CDC5L: variants seen among roughly 807,000 people sequenced by gnomAD.
CDC5L encodes the protein cell division cycle 5-like protein.
In CDC5L, 18 loss-of-function variants were observed where a neutral mutation model predicts 104.1. The observed-to-expected ratio is 0.17, with a 90% CI of 0.12 to 0.26. CDC5L has a LOEUF of 0.26. Ranked by LOEUF, CDC5L falls within the 10% of genes least tolerant of loss-of-function variation. The probability of loss-of-function intolerance (pLI) is 1.00; values close to 1 mark genes in which losing one functional copy is unlikely to be tolerated. For missense variants in CDC5L, 673 were observed against 956.9 expected, an observed-to-expected ratio of 0.70 and a Z score of 3.91; for synonymous variants, 331 against 322.7, an observed-to-expected ratio of 1.03 and a Z score of -0.28.
chr6:44,421,651 C>CA (rs1383990729), intron 9 of CDC5L, among the ~76,000 whole-genome samples: 2 of 152,036 alleles, frequency 1.3e-5, no homozygotes, highest in African/African-American at 4.8e-5. Flanking sequence ...CCAAAAAACT[C>CA]AAACAGTACA....
intron 8 of CDC5L, among the ~76,000 whole-genome samples, chr6:44,414,415 TGTGTG>T: frequency 1.3e-5 from 2 of 151,126 alleles, no homozygotes; most frequent in Non-Finnish European, 2.9e-5. Flanking sequence ...TGTGTGTGTG[TGTGTG>T]TGTGTGTGTG....
At chr6:44,408,399 G>A in intron 7 of CDC5L, 45 bp from the exon 8 acceptor site, 1 of 1,473,600 alleles carries the variant, frequency 6.8e-7, no homozygotes, top group Non-Finnish European at 9.4e-7. Flanking sequence ...ACTGTGCCCG[G>A]CCTCAGTTAA....
chr6:44,437,813 T>C (rs945100668), intron 14 of CDC5L, among the ~76,000 whole-genome samples: 5 of 152,192 alleles, frequency 3.3e-5, no homozygotes, highest in Non-Finnish European at 7.3e-5. Context: ...TCAATGAAAA[T>C]GTTAATTCGT....
intron 4 of CDC5L, 58 bp from the exon 5 acceptor site, chr6:44,396,277 CCTTGCT>C: frequency 3.0e-6 from 3 of 1,010,388 alleles, no homozygotes; most frequent in Non-Finnish European, 4.5e-6. Flanking sequence ...CTCTTACATA[CCTTGCT>C]TCTAGAGTAT....
intron 8 of CDC5L, among the ~76,000 whole-genome samples, chr6:44,411,610 G>GAC (rs1298879448): frequency 7.2e-4 from 94 of 131,162 alleles, no homozygotes; most frequent in Middle Eastern, 3.8e-3. Context: ...GTGAGAGACA[G>GAC]AGAGAGAGAG....
chr6:44,430,545 G>A (rs1792632433), intron 14 of CDC5L, among the ~76,000 whole-genome samples: 1 of 149,268 alleles, frequency 6.7e-6, no homozygotes, highest in Admixed American at 6.7e-5. Flanking sequence ...GTAAATTGTG[G>A]TTCACAGACC....
At chr6:44,441,079 C>G (rs552091790) in intron 14 of CDC5L, among the ~76,000 whole-genome samples, 4 of 152,250 alleles carry the variant, frequency 2.6e-5, no homozygotes, top group Admixed American at 2.6e-4. Flanking sequence ...AATAGATCAC[C>G]AGAACCTATT....
intron 6 of CDC5L, among the ~76,000 whole-genome samples, chr6:44,404,324 G>A (rs1791265009): frequency 6.6e-6 from 1 of 151,448 alleles, no homozygotes; most frequent in South Asian, 2.1e-4. Context: ...TTTTTTTATT[G>A]TTTTGTAGGG....
Position 44,391,071 on chromosome 6 carries a change from T to A in CDC5L, c.149+700T>A, listed in dbSNP as rs367675269. Among the ~76,000 whole-genome samples the A allele has an allele frequency of 6.0e-4, 62 of 104,124 alleles. 1 individual carries two copies. The highest frequency in any genetic ancestry group is 2.4e-3 in the South Asian group (5 of 2,100). 68.3% of individuals were successfully genotyped at this position (104,124 alleles called of 152,430 possible). Reference sequence around the variant, plus strand: ...TATATATTAAACATATTTAATATGTTATATATTATATATTAAACATTTAAT... The same window carrying A: ...TATATATTAAACATATTTAATATGTAATATATTATATATTAAACATTTAAT... On this transcript the variant is annotated intron_variant, in intron 2 of 15. Coordinates refer to ENST00000371477, the MANE Select transcript of CDC5L (RefSeq NM_001253.4).
Position 44,438,943 on chromosome 6 carries a change from T to G in CDC5L, c.2092-6712T>G, listed in dbSNP as rs141322133. 3.4e-3 allele frequency among the ~76,000 whole-genome samples: 522 copies of G among 152,276 alleles called. 5 individuals carry two copies. The Middle Eastern group carries it at 0.048, about 14-fold the overall frequency. On this transcript the variant is annotated intron_variant, in intron 14 of 15. Coordinates refer to ENST00000371477, the MANE Select transcript of CDC5L (RefSeq NM_001253.4). ...AGTGGCTTTTAGTAAATTGACATAGTTGTGCAACCATTATTGGAACATTTA... is the reference window on the plus strand; with the variant it reads ...AGTGGCTTTTAGTAAATTGACATAGGTGTGCAACCATTATTGGAACATTTA...
intron 14 of CDC5L, among the ~76,000 whole-genome samples, chr6:44,442,985 TG>T (rs34798736): frequency 1.4e-5 from 2 of 140,532 alleles, no homozygotes; most frequent in Admixed American, 7.4e-5. Context: ...ACAGGGTTGC[TG>T]GGTATAGTAT....
intron 9 of CDC5L, 67 bp downstream of exon 9, chr6:44,419,664 A>G: frequency 8.0e-7 from 1 of 1,253,636 alleles, no homozygotes; most frequent in South Asian, 1.2e-5. Flanking sequence ...TATTTGCTTT[A>G]GTAATGTTTA....
rs1338256116 is a variant in CDC5L, at chr6:44,392,861, A to G, written c.311+33A>G. The G allele has an allele frequency of 3.2e-6, 5 of 1,577,534 alleles. No individual in the cohort carries two copies. The Admixed American group carries it at 6.9e-5, about 22-fold the overall frequency. On this transcript the variant is annotated intron_variant, in intron 3 of 15. Coordinates refer to ENST00000371477, the MANE Select transcript of CDC5L (RefSeq NM_001253.4). Reference sequence around the variant, plus strand: ...AGTCTTCAGAAAGAGCATAGAATATATGTATATGTTCTGAAAGAGGCTGAA... The same window carrying G: ...AGTCTTCAGAAAGAGCATAGAATATGTGTATATGTTCTGAAAGAGGCTGAA...
intron 6 of CDC5L, among the ~76,000 whole-genome samples, chr6:44,405,447 G>A (rs1791322324): frequency 6.6e-6 from 1 of 152,194 alleles, no homozygotes; most frequent in African/African-American, 2.4e-5. Context: ...AGAAGGGGAG[G>A]AGGTATTCCT....
intron 10 of CDC5L, among the ~76,000 whole-genome samples, chr6:44,423,177 T>TA (rs202114248): frequency 2.1e-4 from 31 of 149,770 alleles, no homozygotes; most frequent in African/African-American, 5.1e-4. Flanking sequence ...ATTGTGAAAT[T>TA]AAAAAAAAAA....
chr6:44,394,950 A>G (rs114747657), intron 4 of CDC5L, among the ~76,000 whole-genome samples: 1,941 of 150,480 alleles, frequency 0.013, 30 homozygotes, highest in Middle Eastern at 0.069. Flanking sequence ...AAGCAATGAA[A>G]TCATGTCATT....
intron 14 of CDC5L, among the ~76,000 whole-genome samples, chr6:44,434,348 G>A (rs1053033292): frequency 3.9e-5 from 6 of 152,134 alleles, no homozygotes; most frequent in African/African-American, 1.4e-4. Context: ...CAATCTGATG[G>A]TTGCTAACTC....
rs1581653652 is a variant in CDC5L at position 44,419,719 on chromosome 6, T to A, written c.1241+122T>A. ...GTGTTGGATTTTCCTCTTTGATTTC[T>A]TCTTCATAGTAATAAATAATAGTGT... On this transcript the variant is annotated intron_variant, in intron 9 of 15. Coordinates refer to ENST00000371477, the MANE Select transcript of CDC5L (RefSeq NM_001253.4). The A allele has an allele frequency of 5.5e-6, 4 of 730,502 alleles. No individual in the cohort carries two copies. In the East Asian group the frequency reaches 1.1e-4, roughly 19 times the overall value. 45.3% of individuals were successfully genotyped at this position (730,502 alleles called of 1,614,324 possible). A position where few individuals can be genotyped will look rare whatever the true frequency, so the allele number is the denominator to read the frequency against.
At chr6:44,442,368 G>T (rs1300551830) in intron 14 of CDC5L, among the ~76,000 whole-genome samples, 1 of 144,434 alleles carries the variant, frequency 6.9e-6, no homozygotes, top group Non-Finnish European at 1.5e-5. Flanking sequence ...TTGTGTGTGT[G>T]TGTATGTTGT....
Sources: gnomAD v4.1 joint callset for allele counts (sites outside exome capture counted in the v4.1 genomes callset) on GRCh38, gnomAD v4.1.1 for gene constraint, MANE v1.5 for transcripts, NCBI Gene and HGNC (gene_info 2026-07-23, HGNC 2026-07-21) for gene names.